The following SYNE1 variants were observed in gnomAD, a reference collection of about 807,000 sequenced individuals.
SYNE1 encodes spectrin repeat containing nuclear envelope protein 1.
A neutral mutation model predicts 1,111.0 loss-of-function variants in SYNE1; 616 were observed. That is an observed-to-expected ratio of 0.55 (90% CI 0.52 to 0.59). The LOEUF (loss-of-function observed/expected upper bound fraction) is 0.59. SYNE1 is among the 20% of genes least tolerant of loss of function. The probability of loss-of-function intolerance (pLI) is 0.00; values close to 1 mark genes in which losing one functional copy is unlikely to be tolerated. For synonymous variants in SYNE1, 3,855 were observed against 3,825.8 expected (o/e 1.01, Z -0.28); for missense variants, 10,006 against 10,417.0 (o/e 0.96, Z 1.72).
intron 144 of SYNE1, among the ~76,000 whole-genome samples, chr6:152,131,062 A>G (rs925158810): frequency 1.3e-5 from 2 of 152,230 alleles, no homozygotes; most frequent in South Asian, 2.1e-4. Flanking sequence ...ACACATGTGT[A>G]TATTTACATA....
chr6:152,248,600 T>C (rs1353338020), intron 105 of SYNE1, among the ~76,000 whole-genome samples: 2 of 152,204 alleles, frequency 1.3e-5, no homozygotes, highest in Admixed American at 6.5e-5. Flanking sequence ...TTGTCCTCAG[T>C]CACTTTCATT....
intron 95 of SYNE1, among the ~76,000 whole-genome samples, chr6:152,288,819 T>C (rs1348815613): frequency 6.6e-6 from 1 of 152,224 alleles, no homozygotes; most frequent in Non-Finnish European, 1.5e-5. Flanking sequence ...GTGCTGGGAT[T>C]ACAGGTGTGA....
intron 30 of SYNE1, 91 bp downstream of exon 30, chr6:152,444,320 T>G: frequency 2.7e-6 from 4 of 1,463,138 alleles, no homozygotes; most frequent in Non-Finnish European, 3.8e-6. Flanking sequence ...ACCCACTCTC[T>G]CAAGCCAGTG....
At chr6:152,171,722 C>T (rs571172371) in intron 130 of SYNE1, among the ~76,000 whole-genome samples, 1 of 152,286 alleles carries the variant, frequency 6.6e-6, no homozygotes, top group East Asian at 1.9e-4. Context: ...GGTTAGGGAC[C>T]ATTTTCTTTC....
intron 47 of SYNE1, among the ~76,000 whole-genome samples, chr6:152,400,794 T>A (rs1397540344): frequency 6.6e-6 from 1 of 152,190 alleles, no homozygotes; most frequent in Non-Finnish European, 1.5e-5. Flanking sequence ...GATGAAAAAC[T>A]ATTGGATACT....
chr6:152,139,606 A>G (rs984120090), intron 140 of SYNE1, among the ~76,000 whole-genome samples: 24 of 137,420 alleles, frequency 1.7e-4, no homozygotes, highest in East Asian at 9.0e-4. Context: ...GAAGGGAGGG[A>G]GGGGGGAGAG....
intron 66 of SYNE1, among the ~76,000 whole-genome samples, chr6:152,355,536 C>T (rs1048799384): frequency 1.3e-5 from 2 of 152,176 alleles, no homozygotes; most frequent in Non-Finnish European, 2.9e-5. Flanking sequence ...CCACCAGGTG[C>T]TCTGAGGTGC....
At chr6:152,536,745 T>C (rs2099245134) in intron 4 of SYNE1, among the ~76,000 whole-genome samples, 1 of 151,854 alleles carries the variant, frequency 6.6e-6, no homozygotes, top group Admixed American at 6.6e-5. Context: ...CTTGATTCCT[T>C]CCCCTCCAAG....
chr6:152,483,493 T>C (rs2098920581), intron 13 of SYNE1, among the ~76,000 whole-genome samples: 2 of 152,152 alleles, frequency 1.3e-5, no homozygotes. Context: ...AAGAATATTA[T>C]CAGAAGTGTA....
chr6:152,307,113 T>C (rs1055396113), intron 91 of SYNE1, among the ~76,000 whole-genome samples: 8 of 152,156 alleles, frequency 5.3e-5, no homozygotes, highest in African/African-American at 1.7e-4. Context: ...GTCTAACATA[T>C]AGACCTACAT....
intron 4 of SYNE1, among the ~76,000 whole-genome samples, chr6:152,526,836 C>T (rs967655430): frequency 6.6e-6 from 1 of 152,192 alleles, no homozygotes; most frequent in Non-Finnish European, 1.5e-5. Context: ...CAGTGCAAAT[C>T]TATCATCGCT....
intron 98 of SYNE1, among the ~76,000 whole-genome samples, chr6:152,273,946 G>A (rs866938333): frequency 3.9e-5 from 6 of 152,124 alleles, no homozygotes; most frequent in Admixed American, 6.5e-5. Context: ...TGCCTCTAGC[G>A]GTAGGGTGGG....
intron 56 of SYNE1, among the ~76,000 whole-genome samples, chr6:152,379,453 C>T (rs2097357413): frequency 6.6e-6 from 1 of 151,968 alleles, no homozygotes; most frequent in Non-Finnish European, 1.5e-5. Flanking sequence ...CATCTAATTG[C>T]ATAAAATAAA....
At chr6:152,418,198 T>C (rs1271636910) in intron 40 of SYNE1, among the ~76,000 whole-genome samples, 2 of 152,330 alleles carry the variant, frequency 1.3e-5, no homozygotes, top group Non-Finnish European at 2.9e-5. Context: ...CTCTGCCCCT[T>C]TGAGATGTAA....
intron 14 of SYNE1, among the ~76,000 whole-genome samples, chr6:152,474,059 CCTG>C (rs2098821872): frequency 6.6e-6 from 1 of 151,900 alleles, no homozygotes; most frequent in African/African-American, 2.4e-5. Flanking sequence ...GTGGCGTGCA[CCTG>C]TAGTCCCAGC....
At chr6:152,234,892 C>T (rs994222255) in intron 110 of SYNE1, 92 bp from the exon 111 acceptor site, 26 of 1,430,176 alleles carry the variant, frequency 1.8e-5, no homozygotes, top group African/African-American at 7.0e-5. Context: ...AGTTTTAAAA[C>T]GAGAGGTCTG....
At chr6:152,208,290 A>T in intron 124 of SYNE1, 84 bp from the exon 125 acceptor site, 1 of 1,239,944 alleles carries the variant, frequency 8.1e-7, no homozygotes, top group Non-Finnish European at 1.2e-6. Context: ...CACTGTCAAC[A>T]ACCCTAAGCC....
chr6:152,470,320 C>T (rs1486066503), intron 16 of SYNE1, among the ~76,000 whole-genome samples: 1 of 152,138 alleles, frequency 6.6e-6, no homozygotes, highest in African/African-American at 2.4e-5. Context: ...AGAACAAAGA[C>T]TGTGTCTGGT....
chr6:152,254,862 T>C lies in SYNE1; in HGVS notation c.19470+18A>G. ...ACCTAGAGAATGGTCACGTATCCTT[T>C]GATAATATCTTACTTACCTGGAAAT... is the stretch of plus-strand genomic sequence containing the variant. On this transcript the variant is annotated intron_variant, in intron 104 of 145. Transcript: ENST00000367255. 1 of 1,607,522 alleles carries C rather than the reference T, an allele frequency of 6.2e-7. No individual in the cohort carries two copies. The highest frequency in any genetic ancestry group is 8.5e-7 in the Non-Finnish European group (1 of 1,175,508).
Sources: gnomAD v4.1 joint callset for allele counts (sites outside exome capture counted in the v4.1 genomes callset) on GRCh38, gnomAD v4.1.1 for gene constraint, MANE v1.5 for transcripts, NCBI Gene and HGNC (gene_info 2026-07-23, HGNC 2026-07-21) for gene names.